Variants in PEBP4 observed in about 807,000 individuals in gnomAD.
PEBP4 encodes the protein phosphatidylethanolamine binding protein 4.
In PEBP4, 22 loss-of-function variants were observed where a neutral mutation model predicts 23.9. The ratio of observed to expected loss-of-function variants is 0.92; its 90% confidence interval spans 0.66 to 1.31. The LOEUF (loss-of-function observed/expected upper bound fraction) is 1.31, where lower values mean the gene tolerates loss of function less well. PEBP4 is among the 40% of genes most tolerant of loss of function. PEBP4 has a pLI of 0.00. For synonymous variants in PEBP4, 112 were observed against 99.3 expected, an observed-to-expected ratio of 1.13 and a Z score of -0.76; for missense variants, 324 against 281.7, an observed-to-expected ratio of 1.15 and a Z score of -1.07.
At chr8:22,852,379 A>G (rs1432976760) in intron 3 of PEBP4, among the ~76,000 whole-genome samples, 1 of 152,110 alleles carries the variant, frequency 6.6e-6, no homozygotes, top group Admixed American at 6.5e-5. Flanking sequence ...ACACGAACAC[A>G]TTTGCAGATT....
chr8:22,832,621 G>A (rs1052293105), intron 3 of PEBP4, among the ~76,000 whole-genome samples: 3 of 152,158 alleles, frequency 2.0e-5, no homozygotes, highest in South Asian at 2.1e-4. Context: ...GAGTCTTTGC[G>A]TGTCTGCCTT....
intron 3 of PEBP4, among the ~76,000 whole-genome samples, chr8:22,826,236 G>A (rs1806966091): frequency 6.6e-6 from 1 of 152,212 alleles, no homozygotes. Context: ...ACTTGAAGAA[G>A]GCAGGATGAA....
intron 4 of PEBP4, among the ~76,000 whole-genome samples, chr8:22,776,533 G>A (rs377212587): frequency 1.3e-5 from 2 of 151,706 alleles, no homozygotes; most frequent in African/African-American, 2.4e-5. Context: ...CTTTCGTTCC[G>A]GCTGCCACTC....
chr8:22,832,395 C>T (rs1807104308), intron 3 of PEBP4, among the ~76,000 whole-genome samples: 1 of 152,182 alleles, frequency 6.6e-6, no homozygotes, highest in Admixed American at 6.5e-5. Context: ...AGGCTAACTA[C>T]AAAGCAGCAA....
At position 22,724,839 on chromosome 8, in the gene PEBP4, T is replaced by C; in HGVS notation, c.517+4A>G. ...TGGTGGCTGGAAGGATGGGGAGGTC[T>C]TACCTCGAGTTTTGTTTTCCTTGGG... On this transcript the variant is annotated splice_donor_region_variant and intron_variant, in intron 6 of 6. Coordinates refer to ENST00000256404, the MANE Select transcript of PEBP4 (RefSeq NM_144962.3). The C allele has an allele frequency of 1.2e-6, 2 of 1,607,148 alleles. No individual in the cohort carries two copies. The highest frequency in any genetic ancestry group is 1.7e-6 in the Non-Finnish European group (2 of 1,173,698).
At position 22,779,572 on chromosome 8, in the gene PEBP4, C is replaced by T. The variant is rs575260037; in HGVS notation, c.357+38065G>A. Among the ~76,000 whole-genome samples the T allele has an allele frequency of 5.3e-5, 8 of 152,180 alleles. No individual in the cohort carries two copies. The South Asian group carries it at 6.2e-4, about 12-fold the overall frequency. On this transcript the variant is annotated intron_variant, in intron 4 of 6. Transcript: ENST00000256404. ...CCCAGGGAGAGAGCTGGGCTGGTGCCGTGGTCCCCCGACTCTGTGTCCCAC... is the reference window on the plus strand; with the variant it reads ...CCCAGGGAGAGAGCTGGGCTGGTGCTGTGGTCCCCCGACTCTGTGTCCCAC...
At chr8:22,726,214 C>A (rs973353807) in intron 5 of PEBP4, among the ~76,000 whole-genome samples, 2 of 152,220 alleles carry the variant, frequency 1.3e-5, no homozygotes, top group South Asian at 2.1e-4. Flanking sequence ...TCCTAAACAC[C>A]GCCAGGGCTG....
chr8:22,831,458 A>G (rs934801068), intron 3 of PEBP4, among the ~76,000 whole-genome samples: 4 of 152,202 alleles, frequency 2.6e-5, no homozygotes, highest in African/African-American at 9.7e-5. Context: ...TAAATTATAT[A>G]TTGGCCCAGG....
At chr8:22,933,519 A>G (rs1323299796) in intron 1 of PEBP4, among the ~76,000 whole-genome samples, 1 of 152,246 alleles carries the variant, frequency 6.6e-6, no homozygotes, top group Non-Finnish European at 1.5e-5. Context: ...GATGATATAA[A>G]GTACTGAAAG....
chr8:22,722,285 C>T (rs760637088), intron 6 of PEBP4, among the ~76,000 whole-genome samples: 8 of 152,244 alleles, frequency 5.3e-5, no homozygotes, highest in African/African-American at 1.9e-4. Flanking sequence ...CTCCAACCTC[C>T]TCCCCATGGC....
At chr8:22,860,160 ATATATATG>A (rs1807738112) in intron 3 of PEBP4, among the ~76,000 whole-genome samples, 2 of 128,612 alleles carry the variant, frequency 1.6e-5, no homozygotes, top group African/African-American at 5.5e-5. Context: ...ATATATACAC[ATATATATG>A]TATATATATA....
intron 3 of PEBP4, among the ~76,000 whole-genome samples, chr8:22,891,870 G>C (rs1490967734): frequency 6.6e-6 from 1 of 152,224 alleles, no homozygotes; most frequent in Non-Finnish European, 1.5e-5. Flanking sequence ...TCAGGAGATC[G>C]AGACCATCTT....
At chr8:22,860,192 GTATATATATATATACACATATATGTA>G (rs1414563526) in intron 3 of PEBP4, among the ~76,000 whole-genome samples, 1 of 68,358 alleles carries the variant, frequency 1.5e-5, no homozygotes, top group African/African-American at 3.5e-5. Context: ...ACATATATAT[GTATATATATATATACACATATATGTA>G]TATATATATA....
intron 1 of PEBP4, among the ~76,000 whole-genome samples, chr8:22,932,982 G>C (rs1363373095): frequency 7.1e-6 from 1 of 140,558 alleles, no homozygotes; most frequent in Admixed American, 7.5e-5. Flanking sequence ...TCTAGCCTGG[G>C]CAACAGAGCA....
intron 3 of PEBP4, among the ~76,000 whole-genome samples, chr8:22,840,910 A>G (rs1342178495): frequency 6.6e-6 from 1 of 152,204 alleles, no homozygotes; most frequent in African/African-American, 2.4e-5. Flanking sequence ...TAATGGTACC[A>G]ATTGCCAAGG....
chr8:22,938,332 G>C (rs1034981377), intron 1 of PEBP4, among the ~76,000 whole-genome samples: 7 of 152,114 alleles, frequency 4.6e-5, no homozygotes, highest in African/African-American at 1.4e-4. Context: ...CATTCTGTCT[G>C]TAACGGACAC....
chr8:22,822,880 A>G (rs1244525492), intron 3 of PEBP4, among the ~76,000 whole-genome samples: 1 of 152,102 alleles, frequency 6.6e-6, no homozygotes, highest in Non-Finnish European at 1.5e-5. Context: ...ACCTTCAATT[A>G]ATTTTTTAAT....
At position 22,856,089 on chromosome 8, in the gene PEBP4, G is replaced by T. The variant is rs951474788; in HGVS notation, c.259-38354C>A. On this transcript the variant is annotated intron_variant, in intron 3 of 6. Coordinates refer to ENST00000256404, the MANE Select transcript of PEBP4 (RefSeq NM_144962.3). ...AAAAGGAAACCTAATATAATAAAAA[G>T]CAAACAAAAGACCAAGAAGATATTT... 1.3e-4 allele frequency among the ~76,000 whole-genome samples: 17 copies of T among 132,158 alleles called. No homozygotes were observed. The East Asian group carries it at 3.6e-3, about 28-fold the overall frequency. The allele number at this position is 132,158 out of a possible 152,430, so 86.7% of individuals were successfully genotyped here.
At chr8:22,750,673 G>C (rs1029724767) in intron 4 of PEBP4, among the ~76,000 whole-genome samples, 3 of 152,012 alleles carry the variant, frequency 2.0e-5, no homozygotes, top group Non-Finnish European at 4.4e-5. Flanking sequence ...ATTGCATTCT[G>C]GCTGGGCAGT....
Sources: gnomAD v4.1 joint callset for allele counts (sites outside exome capture counted in the v4.1 genomes callset) on GRCh38, gnomAD v4.1.1 for gene constraint, MANE v1.5 for transcripts, NCBI Gene and HGNC (gene_info 2026-07-23, HGNC 2026-07-21) for gene names.